GMEB1: variants seen among roughly 807,000 people sequenced by gnomAD.
GMEB1 encodes the protein glucocorticoid modulatory element binding protein 1.
In GMEB1, 6 loss-of-function variants were observed where a neutral mutation model predicts 52.4. The observed-to-expected ratio is 0.11, with a 90% CI of 0.06 to 0.23. GMEB1 has a LOEUF of 0.23. GMEB1 is among the 10% of genes least tolerant of loss of function. GMEB1 has a pLI of 1.00. For synonymous variants in GMEB1, 255 were observed against 244.9 expected, an observed-to-expected ratio of 1.04 and a Z score of -0.38; for missense variants, 486 against 685.6, an observed-to-expected ratio of 0.71 and a Z score of 3.25.
rs769608158 is a variant in GMEB1 at position 28,690,130 on chromosome 1, A to G, written c.155A>G (p.Asn52Ser). 6.2e-7 allele frequency: 1 copy of G among 1,605,502 alleles called. No homozygotes were observed. The highest frequency in any genetic ancestry group is 1.7e-5 in the Admixed American group (1 of 59,222). ...QGIYEAGSEN[N>S]TAVVAVETHT... ...ATTTATGAAGCTGGGTCGGAGAACA[A>G]CACGGCAGTTGTAGCAGTAGAAACT... Residue 52 changes from asparagine (N) to serine (S), a missense_variant, in exon 3 of 10, where the codon AAC becomes AGC. Physicochemically the swap from Asn to Ser is conservative, Grantham distance 46. Coordinates refer to ENST00000373816, the MANE Select transcript of GMEB1 (RefSeq NM_001319674.2).
rs1671260973 is a variant in GMEB1 at position 28,715,936 on chromosome 1, A to AG, written c.*1163_*1164insG. 1.3e-5 allele frequency: 2 copies of AG among 151,764 alleles called. No homozygotes were observed. The highest frequency in any genetic ancestry group is 4.8e-5 in the African/African-American group (2 of 41,252). The allele number at this position is 151,764 out of a possible 1,614,324, so 9.4% of individuals were successfully genotyped here. A position where few individuals can be genotyped will look rare whatever the true frequency, so the allele number is the denominator to read the frequency against. On this transcript the variant is annotated 3_prime_UTR_variant, in exon 10 of 10. Transcript: ENST00000373816. ...GTGAAACCCCGTCTCTACTGAAAAT[A>AG]CAAAAAAAAAAAATTAGCTGGGCAT...
intron 6 of GMEB1, among the ~76,000 whole-genome samples, chr1:28,699,699 G>A (rs1422034994): frequency 6.6e-6 from 1 of 151,284 alleles, no homozygotes; most frequent in East Asian, 1.9e-4. Flanking sequence ...CAAAGTGCTA[G>A]AGTTACAAAT....
At chr1:28,698,027 C>A (rs1406112544) in intron 6 of GMEB1, among the ~76,000 whole-genome samples, 1 of 152,100 alleles carries the variant, frequency 6.6e-6, no homozygotes. Flanking sequence ...GCAGTCCCAG[C>A]TGCTGGGGAG....
At chr1:28,687,510 G>C (rs1469128669) in intron 2 of GMEB1, among the ~76,000 whole-genome samples, 2 of 152,046 alleles carry the variant, frequency 1.3e-5, no homozygotes, top group Non-Finnish European at 2.9e-5. Context: ...GGATTTTAAG[G>C]TGAGGTTTGG....
intron 1 of GMEB1, among the ~76,000 whole-genome samples, chr1:28,674,016 G>A (rs536158382): frequency 2.2e-4 from 33 of 151,946 alleles, no homozygotes; most frequent in African/African-American, 8.0e-4. Context: ...GCATGGTGGC[G>A]GGCACCTGTA....
chr1:28,697,858 G>A (rs1161805960), intron 6 of GMEB1, among the ~76,000 whole-genome samples: 4 of 152,088 alleles, frequency 2.6e-5, no homozygotes, highest in East Asian at 1.9e-4. Flanking sequence ...TCAAGAGATC[G>A]GCCAGGTGCG....
chr1:28,674,712 T>A (rs1669063495), intron 1 of GMEB1, among the ~76,000 whole-genome samples: 1 of 117,964 alleles, frequency 8.5e-6, no homozygotes, highest in Non-Finnish European at 1.8e-5. Context: ...TTAATTCTTT[T>A]TTTTTTTTTT....
chr1:28,676,736 A>AT (rs1163582918), intron 1 of GMEB1, among the ~76,000 whole-genome samples: 4 of 151,740 alleles, frequency 2.6e-5, no homozygotes, highest in African/African-American at 4.8e-5. Context: ...AAAAAAAATA[A>AT]ATAAATAAAT....
intron 6 of GMEB1, among the ~76,000 whole-genome samples, chr1:28,701,485 G>T (rs1487969372): frequency 1.3e-5 from 2 of 151,906 alleles, no homozygotes; most frequent in African/African-American, 4.8e-5. Flanking sequence ...AACCAGGATG[G>T]TCTCGATCTC....
intron 9 of GMEB1, among the ~76,000 whole-genome samples, chr1:28,712,332 A>G (rs187062642): frequency 7.4e-4 from 113 of 152,168 alleles, no homozygotes; most frequent in African/African-American, 2.6e-3. Context: ...GGTTTTATGG[A>G]GGCTTCATTA....
At chr1:28,691,538 T>G (rs1046511871) in intron 3 of GMEB1, 47 bp from the exon 4 acceptor site, 1 of 1,389,230 alleles carries the variant, frequency 7.2e-7, no homozygotes. Flanking sequence ...ATTTCAGCTT[T>G]GGGGAAGAGT....
intron 5 of GMEB1, among the ~76,000 whole-genome samples, chr1:28,695,203 A>G (rs1323070473): frequency 6.8e-6 from 1 of 147,638 alleles, no homozygotes; most frequent in African/African-American, 2.5e-5. Context: ...CTGACCTCAA[A>G]TGCTCTGCCC....
At chr1:28,684,488 G>A (rs1570394148) in intron 2 of GMEB1, among the ~76,000 whole-genome samples, 1 of 151,434 alleles carries the variant, frequency 6.6e-6, no homozygotes, top group Non-Finnish European at 1.5e-5. Context: ...GCGTGAACCC[G>A]GGAGGCGGAG....
At chr1:28,689,185 G>A (rs1301327297) in intron 2 of GMEB1, among the ~76,000 whole-genome samples, 1 of 152,012 alleles carries the variant, frequency 6.6e-6, no homozygotes, top group African/African-American at 2.4e-5. Context: ...ACCGCACACA[G>A]CCTAATTTTT....
In GMEB1 at chr1:28,673,746, G is replaced by A. The variant is rs529617521; in HGVS notation, c.-31+4907G>A. 1.5e-4 allele frequency among the ~76,000 whole-genome samples: 23 copies of A among 152,212 alleles called. No individual in the cohort carries two copies. In the South Asian group the frequency reaches 3.3e-3, roughly 22 times the overall value. On this transcript the variant is annotated intron_variant, in intron 1 of 9. Coordinates refer to ENST00000373816, the MANE Select transcript of GMEB1 (RefSeq NM_001319674.2). ...AAATAACTACAGGCTGGGCACAGTCGCTCAGGTCTTTAATCTCAGCACTTT... is the reference window on the plus strand; with the variant it reads ...AAATAACTACAGGCTGGGCACAGTCACTCAGGTCTTTAATCTCAGCACTTT...
Position 28,715,593 on chromosome 1 carries a change from G to C in GMEB1, c.*820G>C. On this transcript the variant is annotated 3_prime_UTR_variant, in exon 10 of 10. Transcript: ENST00000373816. ...ACTCCAGCCTGGGCAACAAGAGCGA[G>C]ACTCCATCTCAAAAAAAAAAAAAAA... The C allele has an allele frequency of 7.5e-6, 1 of 133,064 alleles. No individual in the cohort carries two copies. The highest frequency in any genetic ancestry group is 1.5e-5 in the Non-Finnish European group (1 of 64,678). 8.2% of individuals were successfully genotyped at this position (133,064 alleles called of 1,614,324 possible).
intron 1 of GMEB1, among the ~76,000 whole-genome samples, chr1:28,680,549 A>G (rs1015684803): frequency 9.9e-5 from 15 of 151,876 alleles, no homozygotes. Context: ...ATCCTGGCCA[A>G]TATGGTGAAA....
chr1:28,708,939 G>A (rs960027887), intron 8 of GMEB1, among the ~76,000 whole-genome samples: 1 of 152,058 alleles, frequency 6.6e-6, no homozygotes, highest in Non-Finnish European at 1.5e-5. Context: ...AGACCATCCT[G>A]GCTAACACGG....
At chr1:28,678,189 CAA>C (rs879676470) in intron 1 of GMEB1, among the ~76,000 whole-genome samples, 14 of 97,584 alleles carry the variant, frequency 1.4e-4, no homozygotes, top group Admixed American at 1.1e-4. Context: ...GACTTCGTCT[CAA>C]AAAAAAAAAA....
Sources: gnomAD v4.1 joint callset for allele counts (sites outside exome capture counted in the v4.1 genomes callset) on GRCh38, gnomAD v4.1.1 for gene constraint, MANE v1.5 for transcripts, NCBI Gene and HGNC (gene_info 2026-07-23, HGNC 2026-07-21) for gene names.